MICAL3: variants seen among roughly 807,000 people sequenced by gnomAD.
The protein encoded by MICAL3 is [F-actin]-monooxygenase MICAL3.
A neutral mutation model predicts 207.4 loss-of-function variants in MICAL3; 62 were observed. That is an observed-to-expected ratio of 0.30 (90% CI 0.24 to 0.37). The LOEUF is 0.37. Among genes scored for constraint, MICAL3 ranks in the 10% least tolerant of loss-of-function variants. The probability of loss-of-function intolerance (pLI) is 1.00; values close to 1 mark genes in which losing one functional copy is unlikely to be tolerated. For missense variants in MICAL3, 2,368 were observed against 2,635.6 expected, an observed-to-expected ratio of 0.90 and a Z score of 2.22; for synonymous variants, 1,077 against 1,069.3, an observed-to-expected ratio of 1.01 and a Z score of -0.14.
chr22:17,801,772 T>A (rs1170997577), intron 29 of MICAL3, among the ~76,000 whole-genome samples: 1 of 151,926 alleles, frequency 6.6e-6, no homozygotes, highest in East Asian at 1.9e-4. Context: ...TGGGTACCCG[T>A]AATCCCAGCT....
At chr22:17,823,229 G>A (rs1921835944) in intron 22 of MICAL3, among the ~76,000 whole-genome samples, 169 bp from the exon 23 acceptor site, 1 of 150,784 alleles carries the variant, frequency 6.6e-6, no homozygotes, top group Non-Finnish European at 1.5e-5. Context: ...CATGGGTGCT[G>A]GGGGGGGCCC....
chr22:17,916,404 G>A (rs1259799714), intron 1 of MICAL3, among the ~76,000 whole-genome samples: 1 of 152,080 alleles, frequency 6.6e-6, no homozygotes, highest in Non-Finnish European at 1.5e-5. Context: ...TCAACACCCA[G>A]TCCTGACCCC....
chr22:17,798,736 C>A, intron 29 of MICAL3, among the ~76,000 whole-genome samples: 1 of 142,898 alleles, frequency 7.0e-6, no homozygotes. Flanking sequence ...TGCAGTGGCG[C>A]GATCTCGGCT....
chr22:17,791,937 C>T (rs1166915686), intron 29 of MICAL3, among the ~76,000 whole-genome samples: 1 of 152,222 alleles, frequency 6.6e-6, no homozygotes, highest in African/African-American at 2.4e-5. Flanking sequence ...GGGTTTCTCA[C>T]CAAGAGCAGA....
At chr22:17,893,658 C>T in intron 11 of MICAL3, 150 bp downstream of exon 11, 2 of 628,064 alleles carry the variant, frequency 3.2e-6, no homozygotes, top group South Asian at 3.9e-5. Context: ...CCAAGTATCC[C>T]CTGGAGGGCA....
chr22:17,985,386 G>A (rs1920965852), intron 1 of MICAL3, among the ~76,000 whole-genome samples: 2 of 152,012 alleles, frequency 1.3e-5, no homozygotes, highest in Admixed American at 6.6e-5. Context: ...TACTCCCTCT[G>A]CTTGTCCCTG....
intron 1 of MICAL3, among the ~76,000 whole-genome samples, chr22:17,950,751 C>A (rs551690423): frequency 6.6e-6 from 1 of 152,120 alleles, no homozygotes; most frequent in African/African-American, 2.4e-5. Flanking sequence ...AGAATGAGTT[C>A]GGGGGAGGGA....
intron 10 of MICAL3, among the ~76,000 whole-genome samples, chr22:17,894,437 G>C (rs751351178): frequency 6.6e-6 from 1 of 150,590 alleles, no homozygotes; most frequent in Non-Finnish European, 1.5e-5. Flanking sequence ...GAAAAAATTA[G>C]TTACTCGGTC....
At chr22:17,863,185 C>T in intron 19 of MICAL3, 2 of 985,442 alleles carry the variant, frequency 2.0e-6, no homozygotes, top group Non-Finnish European at 2.4e-6. Context: ...GGAAAGTCAG[C>T]AAACCTGGCG....
rs201971868 is a variant in MICAL3 at position 18,011,335 on chromosome 22, C to CG, written c.-75+12945dup. ...CCTAGGAAGGCGGATCACCTGAGGT[C>CG]GGAGTTCGAGACCAGCCTGATCAAC... On this transcript the variant is annotated intron_variant, in intron 1 of 31. Coordinates refer to ENST00000441493, the MANE Select transcript of MICAL3 (RefSeq NM_015241.3). 9.0e-3 allele frequency among the ~76,000 whole-genome samples: 1,348 copies of CG among 150,256 alleles called. 15 individuals carry two copies. The highest frequency in any genetic ancestry group is 0.03 in the African/African-American group (1,238 of 40,840).
intron 19 of MICAL3, chr22:17,863,942 G>A: frequency 2.0e-6 from 2 of 985,440 alleles, no homozygotes; most frequent in Non-Finnish European, 2.4e-6. Context: ...TTTTGAACAA[G>A]AGGAAAGTGT....
At chr22:17,812,399 G>T in intron 27 of MICAL3, 1 of 408,554 alleles carries the variant, frequency 2.4e-6, no homozygotes, top group Non-Finnish European at 3.3e-6. Context: ...CCCCATGCAC[G>T]CACAAACACA....
intron 1 of MICAL3, among the ~76,000 whole-genome samples, chr22:17,943,835 A>C (rs1343435638): frequency 1.3e-5 from 2 of 152,230 alleles, no homozygotes; most frequent in East Asian, 3.9e-4. Context: ...GAAACCAACC[A>C]CTGCAATTGT....
chr22:17,942,182 CG>C (rs1386757769), intron 1 of MICAL3, among the ~76,000 whole-genome samples: 1 of 152,204 alleles, frequency 6.6e-6, no homozygotes, highest in Non-Finnish European at 1.5e-5. Flanking sequence ...AAAGATAGCC[CG>C]GTGATTGTAT....
intron 29 of MICAL3, among the ~76,000 whole-genome samples, chr22:17,798,094 C>T (rs1006580666): frequency 3.3e-5 from 5 of 152,232 alleles, no homozygotes; most frequent in Admixed American, 6.5e-5. Context: ...CCAGGGAACA[C>T]GGGTTAGGTC....
chr22:17,932,272 G>A (rs142033349), intron 1 of MICAL3, among the ~76,000 whole-genome samples: 68 of 152,030 alleles, frequency 4.5e-4, no homozygotes, highest in Middle Eastern at 3.4e-3. Context: ...AGACTAACGC[G>A]GATCTCTGGG....
intron 1 of MICAL3, among the ~76,000 whole-genome samples, chr22:17,998,133 C>G (rs1448535591): frequency 6.6e-6 from 1 of 152,014 alleles, no homozygotes; most frequent in Non-Finnish European, 1.5e-5. Context: ...GAAACCCTGT[C>G]TCTACTAAAA....
At chr22:17,960,637 T>C (rs1266916446) in intron 1 of MICAL3, among the ~76,000 whole-genome samples, 2 of 152,016 alleles carry the variant, frequency 1.3e-5, no homozygotes, top group African/African-American at 2.4e-5. Context: ...GAACAGATCC[T>C]GTGGGTGTGA....
chr22:17,901,861 G>A lies in MICAL3; in HGVS notation c.691+17C>T, dbSNP rs1182950937. On this transcript the variant is annotated intron_variant, in intron 5 of 31. Coordinates refer to ENST00000441493, the MANE Select transcript of MICAL3 (RefSeq NM_015241.3). ...TTCCCTCTGCTATGAGCCAGGCAGA[G>A]GAGCACAGACCAATACCTTCCAAGG... is the stretch of plus-strand genomic sequence containing the variant. The A allele has an allele frequency of 6.3e-7, 1 of 1,596,542 alleles. No individual in the cohort carries two copies. The highest frequency in any genetic ancestry group is 8.6e-7 in the Non-Finnish European group (1 of 1,164,668).
Sources: gnomAD v4.1 joint callset for allele counts (sites outside exome capture counted in the v4.1 genomes callset) on GRCh38, gnomAD v4.1.1 for gene constraint, MANE v1.5 for transcripts, NCBI Gene and HGNC (gene_info 2026-07-23, HGNC 2026-07-21) for gene names.